The following NRG1 variants were observed in gnomAD, a reference collection of about 807,000 sequenced individuals.
The protein encoded by NRG1 is pro-neuregulin-1, membrane-bound isoform.
NRG1 carries 18 observed loss-of-function variants against 63.8 expected under a neutral mutation model. The ratio of observed to expected loss-of-function variants is 0.28; its 90% CI spans 0.19 to 0.42. NRG1 has a LOEUF of 0.42. Among genes scored for constraint, NRG1 ranks in the 10% least tolerant of loss-of-function variants. The pLI, the probability that NRG1 is intolerant of heterozygous loss-of-function variation, is 1.00. For missense variants in NRG1, 762 were observed against 814.7 expected (o/e 0.94, Z 0.79); for synonymous variants, 302 against 301.3 (o/e 1.00, Z -0.02).
intron 1 of NRG1, among the ~76,000 whole-genome samples, chr8:31,698,712 C>G (rs144763705): frequency 5.4e-4 from 82 of 152,232 alleles, no homozygotes; most frequent in African/African-American, 1.8e-3. Flanking sequence ...AATACATTTT[C>G]CTCCAAAAAT....
At chr8:32,474,495 C>CTTTT (rs10707813) in intron 1 of NRG1, among the ~76,000 whole-genome samples, 1 of 132,434 alleles carries the variant, frequency 7.6e-6, no homozygotes, top group Admixed American at 7.6e-5. Flanking sequence ...GTGATATTCC[C>CTTTT]TTTTTTTTTT....
At chr8:32,062,645 A>T (rs1824076052) in intron 1 of NRG1, among the ~76,000 whole-genome samples, 2 of 151,934 alleles carry the variant, frequency 1.3e-5, no homozygotes. Flanking sequence ...GATTGATTTT[A>T]TGGTAGTCCC....
chr8:32,117,989 G>C (rs982899388), intron 1 of NRG1, among the ~76,000 whole-genome samples: 2 of 152,024 alleles, frequency 1.3e-5, no homozygotes, highest in Non-Finnish European at 2.9e-5. Flanking sequence ...TTTTAATTCA[G>C]TATTTCTCAA....
At chr8:32,691,896 T>C (rs929558064) in intron 5 of NRG1, among the ~76,000 whole-genome samples, 1 of 152,190 alleles carries the variant, frequency 6.6e-6, no homozygotes, top group Non-Finnish European at 1.5e-5. Context: ...GAATTGTGTA[T>C]ATCTTGTTTT....
chr8:31,752,632 T>C (rs1369312318), intron 1 of NRG1, among the ~76,000 whole-genome samples: 1 of 151,990 alleles, frequency 6.6e-6, no homozygotes, highest in Non-Finnish European at 1.5e-5. Flanking sequence ...TGCCAATGGA[T>C]TGAAAATCGG....
intron 2 of NRG1, among the ~76,000 whole-genome samples, chr8:32,604,175 G>A (rs756640311): frequency 6.6e-6 from 1 of 152,094 alleles, no homozygotes; most frequent in African/African-American, 2.4e-5. Flanking sequence ...TGGTGAAGCA[G>A]TTGGCACCTG....
intron 1 of NRG1, among the ~76,000 whole-genome samples, chr8:31,849,183 A>G (rs1441420394): frequency 6.6e-6 from 1 of 152,174 alleles, no homozygotes; most frequent in Admixed American, 6.5e-5. Flanking sequence ...CATTCATCCA[A>G]CAGGCATCTA....
intron 1 of NRG1, among the ~76,000 whole-genome samples, chr8:31,687,339 C>T (rs1249289194): frequency 6.6e-6 from 1 of 152,184 alleles, no homozygotes; most frequent in African/African-American, 2.4e-5. Flanking sequence ...CAAACAAACC[C>T]CAAAGAATAG....
intron 1 of NRG1, among the ~76,000 whole-genome samples, chr8:32,280,093 T>C (rs1337186852): frequency 2.6e-5 from 4 of 152,236 alleles, no homozygotes; most frequent in Non-Finnish European, 5.9e-5. Flanking sequence ...TAAATGCTGA[T>C]AAATTCCTGT....
chr8:32,670,898 C>T (rs942498227), intron 5 of NRG1, among the ~76,000 whole-genome samples: 35 of 151,958 alleles, frequency 2.3e-4, no homozygotes, highest in African/African-American at 8.2e-4. Context: ...TCATGTTGTG[C>T]CCTGTAAATG....
intron 5 of NRG1, chr8:32,647,882 C>T: frequency 6.2e-7 from 1 of 1,614,074 alleles, no homozygotes; most frequent in East Asian, 2.2e-5. Context: ...TGGGCCTGGC[C>T]GTGCCCTGCT....
At chr8:32,630,855 C>T (rs956497905) in intron 5 of NRG1, among the ~76,000 whole-genome samples, 10 of 151,546 alleles carry the variant, frequency 6.6e-5, no homozygotes, top group African/African-American at 2.2e-4. Flanking sequence ...GAAAATGAAA[C>T]TTGAATGGCA....
At chr8:32,133,352 T>C (rs1035950782) in intron 1 of NRG1, among the ~76,000 whole-genome samples, 1 of 152,052 alleles carries the variant, frequency 6.6e-6, no homozygotes, top group Non-Finnish European at 1.5e-5. Context: ...AATTCTGTGA[T>C]GCAAATACTC....
At chr8:32,472,781 C>T (rs7015838) in intron 1 of NRG1, among the ~76,000 whole-genome samples, 75,912 of 152,038 alleles carry the variant, frequency 0.5, 19,512 homozygotes, top group Non-Finnish European at 0.52. Context: ...CGTTGTCGTG[C>T]GGGTTCCCCA....
chr8:32,504,187 T>C (rs571140510), intron 1 of NRG1, among the ~76,000 whole-genome samples: 14 of 152,276 alleles, frequency 9.2e-5, no homozygotes, highest in African/African-American at 2.6e-4. Flanking sequence ...GTTGGGAGCC[T>C]GCCTTTCCCT....
chr8:32,159,540 CAAAAAA>C (rs10684266), intron 1 of NRG1, among the ~76,000 whole-genome samples: 1 of 73,692 alleles, frequency 1.4e-5, no homozygotes. Flanking sequence ...GACTCCGTCT[CAAAAAA>C]AAAAAAAAAA....
At chr8:32,369,063 T>C (rs1331671149) in intron 1 of NRG1, among the ~76,000 whole-genome samples, 1 of 152,236 alleles carries the variant, frequency 6.6e-6, no homozygotes, top group African/African-American at 2.4e-5. Context: ...TGTGTTCCAC[T>C]ATTTTGGAAA....
intron 1 of NRG1, among the ~76,000 whole-genome samples, chr8:32,370,261 A>G (rs1336318611): frequency 6.6e-6 from 1 of 152,248 alleles, no homozygotes; most frequent in Non-Finnish European, 1.5e-5. Context: ...GGGAAGTCAT[A>G]TAGGTTTAAA....
chr8:32,474,043 C>A (rs960533898), intron 1 of NRG1, among the ~76,000 whole-genome samples: 35 of 152,252 alleles, frequency 2.3e-4, no homozygotes, highest in African/African-American at 7.2e-4. Context: ...CATTGAGATA[C>A]CCTTCCATTT....
Sources: allele counts gnomAD v4.1 joint callset (sites outside exome capture counted in the v4.1 genomes callset), GRCh38; gene constraint gnomAD v4.1.1; transcripts MANE v1.5; gene names NCBI Gene and HGNC (gene_info 2026-07-23, HGNC 2026-07-21).